The following MGAM variants were observed in gnomAD, a reference collection of about 807,000 sequenced individuals.
MGAM encodes the protein alpha-1,4-glucosidase.
A neutral mutation model predicts 358.8 loss-of-function variants in MGAM; 253 were observed. That is an observed-to-expected ratio of 0.71 (90% confidence interval 0.64 to 0.78). The LOEUF is 0.78. Among genes scored for constraint, MGAM ranks in the 30% least tolerant of loss-of-function variants. MGAM has a pLI of 0.00. For missense variants in MGAM, 3,080 were observed against 3,432.6 expected, an observed-to-expected ratio of 0.90 and a Z score of 2.57; for synonymous variants, 1,105 against 1,227.1, an observed-to-expected ratio of 0.90 and a Z score of 2.08.
At chr7:142,007,501 T>C (rs1420476243) in intron 2 of MGAM, among the ~76,000 whole-genome samples, 6 of 152,102 alleles carry the variant, frequency 3.9e-5, no homozygotes, top group African/African-American at 1.4e-4. Flanking sequence ...TGCTCAACTC[T>C]TAAAATTATG....
chr7:142,000,705 G>A (rs1804663470), intron 1 of MGAM, among the ~76,000 whole-genome samples: 1 of 152,112 alleles, frequency 6.6e-6, no homozygotes, highest in Non-Finnish European at 1.5e-5. Flanking sequence ...ATACTGTGAT[G>A]AAAAACCTTT....
intron 27 of MGAM, among the ~76,000 whole-genome samples, chr7:142,055,171 C>G (rs534303728): frequency 6.6e-6 from 1 of 152,314 alleles, no homozygotes; most frequent in Non-Finnish European, 1.5e-5. Context: ...TCCTTATACA[C>G]AGCTGAGGTT....
In MGAM at chr7:142,050,775, G is replaced by A. The variant is rs758469281; in HGVS notation, c.2716G>A (p.Gly906Arg). The change falls in exon 24 of 71, where the codon GGG becomes AGG. Residue 906 changes from glycine to arginine, a missense_variant. By Grantham distance (125) the Gly-to-Arg change is moderately radical. Transcript: ENST00000475668. ...AGCATTTAATGAGATTAAAATTCTT[G>A]GGACGGAGGAACCTAGCAATGTTAC... ...NLAFNEIKIL[G>R]TEEPSNVTVK... 1.2e-6 allele frequency: 2 copies of A among 1,613,778 alleles called. No individual in the cohort carries two copies. Among genetic ancestry groups the A allele is most frequent in the Admixed American group, 1.7e-5 (1 of 59,994 alleles).
At position 142,094,393 on chromosome 7, in the gene MGAM, G is replaced by T; in HGVS notation, c.7202G>T (p.Gly2401Val). 1 of 1,531,246 alleles carries T rather than the reference G, an allele frequency of 6.5e-7. No homozygotes were observed. The highest frequency in any genetic ancestry group is 1.2e-5 in the South Asian group (1 of 85,536). 94.9% of individuals were successfully genotyped at this position (1,531,246 alleles called of 1,614,324 possible). A position where few individuals can be genotyped will look rare whatever the true frequency, so the allele number is the denominator to read the frequency against. ...EAVQEVTGQRGVVITRSTFPS... is the reference protein window; with the variant it reads ...EAVQEVTGQRVVVITRSTFPS... ...GTGCAGGAGGTGACAGGACAGCGAG[G>T]GGTCGTCATCACCCGCTCCACATTT... The change falls in exon 61 of 71, where the codon GGG (glycine) becomes GTG (valine). Residue 2401 changes from glycine (G) to valine (V), a missense_variant. Gly to Val is a moderately radical substitution (Grantham distance 109). Around this residue, in one of 5 missense-constraint regions of MGAM, gnomAD observed 932 missense variants for 1,198.2 expected, o/e 0.78. Coordinates refer to ENST00000475668, the MANE Select transcript of MGAM (RefSeq NM_001365693.1).
chr7:142,034,211 C>A, intron 14 of MGAM, 51 bp from the exon 15 acceptor site: 2 of 1,343,076 alleles, frequency 1.5e-6, no homozygotes, highest in Non-Finnish European at 2.1e-6. Flanking sequence ...AGTCAAGGAG[C>A]AGAAAATGTG....
chr7:142,026,776 G>T (rs10233312), intron 8 of MGAM, among the ~76,000 whole-genome samples: 4,159 of 152,242 alleles, frequency 0.027, 141 homozygotes, highest in African/African-American at 0.076. Context: ...TAACTTAAAT[G>T]CCTTTGGTCC....
rs1433317058 is a variant in MGAM, at chr7:142,042,020, T to C, written c.2498+1174T>C. ...TATATTATATATATAATATAATATA[T>C]ATATATTATATTATATACATATAAT... On this transcript the variant is annotated intron_variant, in intron 21 of 70. Coordinates refer to ENST00000475668, the MANE Select transcript of MGAM (RefSeq NM_001365693.1). Among the ~76,000 whole-genome samples, 49 of 22,496 alleles carry C rather than the reference T, an allele frequency of 2.2e-3. 7 individuals are homozygous for C. Among genetic ancestry groups the C allele is most frequent in the African/African-American group, 0.015 (49 of 3,166 alleles). The allele number at this position is 22,496 out of a possible 152,430, so 14.8% of individuals were successfully genotyped here.
intron 51 of MGAM, 70 bp downstream of exon 51, chr7:142,082,280 A>G (rs1239923834): frequency 6.7e-7 from 1 of 1,485,380 alleles, no homozygotes. Flanking sequence ...TTTGGGCTTC[A>G]TCTTCCCAAA....
In MGAM at chr7:142,106,391, A is replaced by T. The variant is rs1816860524; in HGVS notation, c.*500A>T. 1 of 152,400 alleles carries T rather than the reference A, an allele frequency of 6.6e-6. No individual in the cohort carries two copies. Among genetic ancestry groups the T allele is most frequent in the Non-Finnish European group, 1.5e-5 (1 of 68,178 alleles). The allele number at this position is 152,400 out of a possible 1,614,324, so 9.4% of individuals were successfully genotyped here. A position where few individuals can be genotyped will look rare whatever the true frequency, so the allele number is the denominator to read the frequency against. On this transcript the variant is annotated 3_prime_UTR_variant, in exon 71 of 71. Coordinates refer to ENST00000475668, the MANE Select transcript of MGAM (RefSeq NM_001365693.1). ...GGTTATAGGTGGGGGGAGCATGATA[A>T]GCAAAGAAAAGGCAAACACAAGGAA...
At position 142,080,805 on chromosome 7, in the gene MGAM, C is replaced by A. The variant is rs1309913567; in HGVS notation, c.5862C>A (p.Asn1954Lys). Reference sequence around the variant, plus strand: ...CTCTGGCCTAGATTTATGATCCCAACAACAATCGGTATGAAGTTCCAGTCC... The same window carrying A: ...CTCTGGCCTAGATTTATGATCCCAAAAACAATCGGTATGAAGTTCCAGTCC... ...EMLQFKIYDPNNNRYEVPVPL... is the reference protein window; with the variant it reads ...EMLQFKIYDPKNNRYEVPVPL... Residue 1954 changes from asparagine to lysine, a missense_variant, in exon 50 of 71, where the codon AAC becomes AAA. Physicochemically the swap from Asn to Lys is moderately conservative, Grantham distance 94. Transcript: ENST00000475668. The A allele has an allele frequency of 1.3e-6, 2 of 1,554,816 alleles. No individual in the cohort carries two copies. Among genetic ancestry groups the A allele is most frequent in the African/African-American group, 2.7e-5 (2 of 74,520 alleles).
At chr7:142,041,398 T>C (rs185522314) in intron 21 of MGAM, among the ~76,000 whole-genome samples, 138 of 152,220 alleles carry the variant, frequency 9.1e-4, no homozygotes, top group African/African-American at 3.3e-3. Context: ...GCTTTAATTT[T>C]CCAAGTTGTA....
chr7:142,079,000 C>G lies in MGAM; in HGVS notation c.5839C>G (p.Gln1947Glu), dbSNP rs745548275. The G allele has an allele frequency of 1.8e-5, 28 of 1,552,066 alleles. 2 individuals are homozygous for G. In the African/African-American group the frequency reaches 3.2e-4, roughly 18 times the overall value. ...DVTYHKNEML[Q>E]FKIYDPNNNR... Reference sequence around the variant, plus strand: ...CACTTACCATAAGAATGAAATGCTACAGTTCAAGGTAAACACGGTACATAT... The same window carrying G: ...CACTTACCATAAGAATGAAATGCTAGAGTTCAAGGTAAACACGGTACATAT... The change falls in exon 49 of 71, where the codon CAG (glutamine) becomes GAG (glutamate). Residue 1947 changes from glutamine (Q) to glutamate (E), a missense_variant. Physicochemically the swap from Gln to Glu is conservative, Grantham distance 29 (BLOSUM62 2). Coordinates refer to ENST00000475668, the MANE Select transcript of MGAM (RefSeq NM_001365693.1).
chr7:142,013,303 G>C (rs369006311), intron 3 of MGAM, among the ~76,000 whole-genome samples: 1 of 152,060 alleles, frequency 6.6e-6, no homozygotes, highest in Non-Finnish European at 1.5e-5. Flanking sequence ...AGCTCCTCCT[G>C]TTCCCTCCAG....
chr7:142,044,917 T>C (rs1250065643), intron 21 of MGAM, among the ~76,000 whole-genome samples: 22 of 84,578 alleles, frequency 2.6e-4, no homozygotes, highest in East Asian at 8.1e-4. Context: ...ATGTATATTA[T>C]ATACACGTGT....
chr7:142,053,400 G>A (rs748467861), intron 26 of MGAM, among the ~76,000 whole-genome samples: 1 of 152,062 alleles, frequency 6.6e-6, no homozygotes, highest in East Asian at 1.9e-4. Flanking sequence ...AATGATGACC[G>A]TGTTGGTATC....
chr7:142,044,597 C>G (rs1256867344), intron 21 of MGAM, among the ~76,000 whole-genome samples: 1 of 123,796 alleles, frequency 8.1e-6, no homozygotes, highest in African/African-American at 3.0e-5. Context: ...ATATTATATA[C>G]ACGTGTAATA....
intron 35 of MGAM, among the ~76,000 whole-genome samples, chr7:142,063,153 G>A (rs146336341): frequency 0.012 from 1,757 of 152,028 alleles, 17 homozygotes; most frequent in Middle Eastern, 0.02. Flanking sequence ...AGCCAGGATC[G>A]CACCATTGCA....
chr7:142,020,779 A>G (rs973387585), intron 4 of MGAM, among the ~76,000 whole-genome samples, 195 bp from the exon 5 acceptor site: 2 of 151,744 alleles, frequency 1.3e-5, no homozygotes, highest in African/African-American at 4.8e-5. Context: ...TTTTTAGTAG[A>G]GATGGGGTTT....
Position 142,064,933 on chromosome 7 carries a change from G to A in MGAM, c.4485-402G>A, listed in dbSNP as rs531627516. Among the ~76,000 whole-genome samples, 12 of 152,198 alleles carry A rather than the reference G, an allele frequency of 7.9e-5. No homozygotes were observed. The South Asian group carries it at 2.5e-3, about 32-fold the overall frequency. ...GTATTTTTGGCCATTCTTGGTGGAG[G>A]GTAACTGGTATTGTACTGAATTAGC... On this transcript the variant is annotated intron_variant, in intron 37 of 70. Coordinates refer to ENST00000475668, the MANE Select transcript of MGAM (RefSeq NM_001365693.1).
Sources: allele counts gnomAD v4.1 joint callset (sites outside exome capture counted in the v4.1 genomes callset), GRCh38; gene constraint gnomAD v4.1.1; regional missense constraint gnomAD v4.1.1; transcripts MANE v1.5; gene names NCBI Gene and HGNC (gene_info 2026-07-23, HGNC 2026-07-21).